Variants in PRKAR1A observed in about 807,000 individuals in gnomAD.
PRKAR1A encodes cAMP-dependent protein kinase type I-alpha regulatory subunit.
A neutral mutation model predicts 52.0 loss-of-function variants in PRKAR1A; 3 were observed. That is an observed-to-expected ratio of 0.06 (90% CI 0.03 to 0.15). PRKAR1A has a LOEUF of 0.15. PRKAR1A is among the 10% of genes least tolerant of loss of function. PRKAR1A has a pLI of 1.00. For synonymous variants in PRKAR1A, 188 were observed against 168.4 expected, an observed-to-expected ratio of 1.12 and a Z score of -0.90; for missense variants, 240 against 477.4, an observed-to-expected ratio of 0.50 and a Z score of 4.63.
chr17:68,513,314 GTCC>G (rs2085329071), intron 1 of PRKAR1A: 1 of 152,210 alleles, frequency 6.6e-6, no homozygotes, highest in Non-Finnish European at 1.5e-5. Context: ...GGTGACGACC[GTCC>G]TACTCCTTGA....
chr17:68,515,708 TAAG>T (rs1296647910), intron 2 of PRKAR1A, 132 bp downstream of exon 2: 113 of 1,137,116 alleles, frequency 9.9e-5, no homozygotes, highest in Non-Finnish European at 1.3e-4. Flanking sequence ...CAATTTCAAA[TAAG>T]AAATACAGTT....
At chr17:68,501,668 G>T in the PRKAR1A span, among the ~76,000 whole-genome samples, 1 of 152,066 alleles carries the variant, frequency 6.6e-6, no homozygotes, top group South Asian at 2.1e-4. Flanking sequence ...ATCTTGCCTA[G>T]GCTGGTCTCA....
the PRKAR1A span, chr17:68,426,284 G>T: frequency 2.4e-6 from 2 of 845,388 alleles, no homozygotes; most frequent in Non-Finnish European, 3.8e-6. Flanking sequence ...AAGCAAAGGG[G>T]CTGTCTGTCT....
At chr17:68,475,620 C>T in the PRKAR1A span, among the ~76,000 whole-genome samples, 6 of 152,114 alleles carry the variant, frequency 3.9e-5, no homozygotes, top group Admixed American at 2.0e-4. Flanking sequence ...TGTGCCACCA[C>T]GCCTGGCTAA....
At chr17:68,500,746 A>T in the PRKAR1A span, among the ~76,000 whole-genome samples, 2 of 151,858 alleles carry the variant, frequency 1.3e-5, no homozygotes, top group Non-Finnish European at 2.9e-5. Flanking sequence ...TGAACTCCTG[A>T]CCTCAGCTTA....
chr17:68,516,176 A>G (rs1035994343), intron 2 of PRKAR1A, among the ~76,000 whole-genome samples: 31 of 152,038 alleles, frequency 2.0e-4, no homozygotes, highest in African/African-American at 7.5e-4. Flanking sequence ...AAATTAATCC[A>G]ATTTTTATTC....
At chr17:68,422,881 C>T in the PRKAR1A span, 1 of 152,098 alleles carries the variant, frequency 6.6e-6, no homozygotes, top group South Asian at 2.1e-4. Flanking sequence ...TTCTCATCCT[C>T]CCGAATGTAG....
At chr17:68,435,508 G>T in the PRKAR1A span, 3 of 1,023,420 alleles carry the variant, frequency 2.9e-6, no homozygotes, top group African/African-American at 1.6e-5. Flanking sequence ...TTCTGAGTGG[G>T]CCCAGAGACC....
chr17:68,523,830 C>T lies in PRKAR1A; in HGVS notation c.440+14C>T, dbSNP rs200881321. On this transcript the variant is annotated intron_variant, in intron 4 of 10. Transcript: ENST00000589228. ...TAATGAGAGAAGGTAGGAACAGGCTCTTTCTTAACACTATTTTTCAAGTAA... is the reference window on the plus strand; with the variant it reads ...TAATGAGAGAAGGTAGGAACAGGCTTTTTCTTAACACTATTTTTCAAGTAA... The T allele has an allele frequency of 6.2e-7, 1 of 1,610,340 alleles. No individual in the cohort carries two copies. Among genetic ancestry groups the T allele is most frequent in the Admixed American group, 1.7e-5 (1 of 59,990 alleles).
At chr17:68,521,413 T>A (rs1451780757) in intron 2 of PRKAR1A, among the ~76,000 whole-genome samples, 1 of 152,206 alleles carries the variant, frequency 6.6e-6, no homozygotes, top group Non-Finnish European at 1.5e-5. Flanking sequence ...TGTGTTTTTG[T>A]AGAGATGAGG....
the PRKAR1A span, among the ~76,000 whole-genome samples, chr17:68,481,742 G>A: frequency 1.3e-5 from 2 of 151,906 alleles, no homozygotes; most frequent in Non-Finnish European, 1.5e-5. Flanking sequence ...CATTTTTTTC[G>A]TGTGATATTA....
the PRKAR1A span, among the ~76,000 whole-genome samples, chr17:68,454,517 C>T: frequency 6.6e-6 from 1 of 152,144 alleles, no homozygotes; most frequent in Non-Finnish European, 1.5e-5. Context: ...GTCTCGCAGC[C>T]CTCCAACCTG....
intron 11 of PRKAR1A, chr17:68,543,835 T>A: frequency 1.1e-6 from 1 of 907,502 alleles, no homozygotes; most frequent in Non-Finnish European, 1.8e-6. Context: ...GCTTTTCATG[T>A]ACACACAGGC....
chr17:68,542,867 G>C, intron 11 of PRKAR1A: 1 of 1,370,048 alleles, frequency 7.3e-7, no homozygotes, highest in South Asian at 1.2e-5. Context: ...AGGAGGAGGG[G>C]TTTTGTCCCC....
intron 11 of PRKAR1A, chr17:68,539,393 G>C: frequency 6.2e-7 from 1 of 1,614,108 alleles, no homozygotes; most frequent in Non-Finnish European, 8.5e-7. Flanking sequence ...AGTGTCGTCC[G>C]AACCTAGGAG....
intron 2 of PRKAR1A, among the ~76,000 whole-genome samples, chr17:68,516,673 T>C (rs2085444921): frequency 6.6e-6 from 1 of 152,140 alleles, no homozygotes; most frequent in South Asian, 2.1e-4. Context: ...GTATTTTCTA[T>C]TTTCTTTAAA....
the PRKAR1A span, chr17:68,452,969 G>C: frequency 6.2e-7 from 1 of 1,614,010 alleles, no homozygotes; most frequent in Non-Finnish European, 8.5e-7. Context: ...CTTATACCCG[G>C]CTTTAGTTCC....
At position 68,515,509 on chromosome 17, in the gene PRKAR1A, A is replaced by T; in HGVS notation, c.110A>T (p.Gln37Leu). ...IQALLKDSIV[Q>L]LCTARPERPM... ...GCGCTGCTCAAAGATTCTATTGTGC[A>T]GTTGTGCACTGCTCGACCTGAGAGA... Residue 37 changes from glutamine (Q) to leucine (L), a missense_variant, in exon 2 of 11, where the codon CAG becomes CTG. This residue lies in a region of PRKAR1A where 107 missense variants were observed against 114.6 expected (regional missense o/e 0.93). Transcript: ENST00000589228. 3 of 1,613,360 alleles carry T rather than the reference A, an allele frequency of 1.9e-6. No homozygotes were observed. The highest frequency in any genetic ancestry group is 2.5e-6 in the Non-Finnish European group (3 of 1,180,042).
the PRKAR1A span, among the ~76,000 whole-genome samples, chr17:68,465,179 G>A: frequency 5.9e-5 from 9 of 151,764 alleles, no homozygotes; most frequent in African/African-American, 1.9e-4. Flanking sequence ...TGATCTGCCC[G>A]CCTCGGCCTT....
Sources: gnomAD v4.1 joint callset for allele counts (sites outside exome capture counted in the v4.1 genomes callset) on GRCh38, gnomAD v4.1.1 for gene constraint, gnomAD v4.1.1 regional missense constraint, MANE v1.5 for transcripts, NCBI Gene and HGNC (gene_info 2026-07-23, HGNC 2026-07-21) for gene names.